The following TYW1B variants were observed in gnomAD, a reference collection of about 807,000 sequenced individuals.
The protein encoded by TYW1B is S-adenosyl-L-methionine-dependent tRNA 4-demethylwyosine synthase TYW1B.
In TYW1B, 73 loss-of-function variants were observed where a neutral mutation model predicts 86.9. The ratio of observed to expected loss-of-function variants is 0.84; its 90% CI spans 0.70 to 1.02. The LOEUF (loss-of-function observed/expected upper bound fraction) is 1.02. TYW1B is among the 50% of genes least tolerant of loss of function. TYW1B has a pLI of 0.00. For synonymous variants in TYW1B, 248 were observed against 292.8 expected, an observed-to-expected ratio of 0.85 and a Z score of 1.56; for missense variants, 637 against 827.4, an observed-to-expected ratio of 0.77 and a Z score of 2.82.
chr7:72,654,892 A>C (rs1813161786), intron 11 of TYW1B, among the ~76,000 whole-genome samples: 1 of 152,192 alleles, frequency 6.6e-6, no homozygotes, highest in Admixed American at 6.6e-5. Context: ...AAAAATAAAC[A>C]ACAAAAAATA....
intron 11 of TYW1B, among the ~76,000 whole-genome samples, chr7:72,672,012 T>C (rs1554446438): frequency 2.4e-5 from 1 of 42,392 alleles, no homozygotes; most frequent in Admixed American, 2.5e-4. Context: ...CATCTTGAAT[T>C]CCCACGTTGT....
chr7:72,677,652 G>A (rs7802720), intron 11 of TYW1B, among the ~76,000 whole-genome samples: 9 of 152,158 alleles, frequency 5.9e-5, no homozygotes, highest in East Asian at 3.9e-4. Context: ...TGGGTTCTCC[G>A]ACATGCACCC....
At chr7:72,673,834 A>G (rs1205718731) in intron 11 of TYW1B, among the ~76,000 whole-genome samples, 1 of 152,240 alleles carries the variant, frequency 6.6e-6, no homozygotes, top group African/African-American at 2.4e-5. Flanking sequence ...ATTACATATT[A>G]TATGCCTGTA....
chr7:72,626,944 C>T (rs1812362482), intron 12 of TYW1B, among the ~76,000 whole-genome samples: 1 of 151,860 alleles, frequency 6.6e-6, no homozygotes, highest in African/African-American at 2.4e-5. Flanking sequence ...ACAAAGCTTA[C>T]CATCAAACTT....
intron 10 of TYW1B, among the ~76,000 whole-genome samples, chr7:72,702,246 G>C (rs1312383232): frequency 2.0e-5 from 3 of 152,114 alleles, no homozygotes; most frequent in Admixed American, 6.6e-5. Flanking sequence ...CCCTGTGAGA[G>C]AAAGTTTCCA....
intron 8 of TYW1B, among the ~76,000 whole-genome samples, chr7:72,742,240 C>A (rs1393856797): frequency 3.3e-5 from 5 of 152,160 alleles, no homozygotes; most frequent in African/African-American, 1.2e-4. Flanking sequence ...TGATCACCCC[C>A]ACCTCAGCCT....
intron 12 of TYW1B, among the ~76,000 whole-genome samples, chr7:72,626,520 TA>T (rs1812353155): frequency 6.6e-6 from 1 of 152,140 alleles, no homozygotes; most frequent in East Asian, 1.9e-4. Flanking sequence ...ATCTCAAATT[TA>T]ATGTTGCCAA....
chr7:72,607,934 A>C (rs782547895), intron 13 of TYW1B, among the ~76,000 whole-genome samples: 8 of 152,212 alleles, frequency 5.3e-5, no homozygotes, highest in African/African-American at 9.6e-5. Context: ...CAAGACCTGA[A>C]TATTTTTAAA....
At chr7:72,700,140 T>TAAAG (rs1164619311) in intron 10 of TYW1B, among the ~76,000 whole-genome samples, 3 of 139,774 alleles carry the variant, frequency 2.1e-5, no homozygotes, top group Non-Finnish European at 4.6e-5. Flanking sequence ...TATCAATACA[T>TAAAG]AAAGAGCTTT....
At chr7:72,575,905 G>A (rs529379042) in intron 13 of TYW1B, among the ~76,000 whole-genome samples, 186 bp from the exon 14 acceptor site, 92 of 152,280 alleles carry the variant, frequency 6.0e-4, no homozygotes, top group African/African-American at 2.1e-3. Context: ...AGCAAGATGC[G>A]CTACAATCAC....
chr7:72,589,664 G>A (rs35509207), intron 13 of TYW1B, among the ~76,000 whole-genome samples: 1 of 152,190 alleles, frequency 6.6e-6, no homozygotes, highest in African/African-American at 2.4e-5. Context: ...ATCACTTGAG[G>A]TCAGGAGTTC....
At chr7:72,690,896 T>C (rs1329761197) in intron 11 of TYW1B, among the ~76,000 whole-genome samples, 1 of 152,038 alleles carries the variant, frequency 6.6e-6, no homozygotes, top group Non-Finnish European at 1.5e-5. Context: ...TACAGGTACC[T>C]GCCACCACTC....
intron 6 of TYW1B, among the ~76,000 whole-genome samples, chr7:72,785,008 G>C (rs1291529333): frequency 2.0e-5 from 3 of 151,194 alleles, no homozygotes; most frequent in African/African-American, 7.3e-5. Flanking sequence ...GTCAACTCTA[G>C]GCACACCAAA....
chr7:72,611,248 C>T (rs1469917711), intron 13 of TYW1B, among the ~76,000 whole-genome samples: 1 of 152,180 alleles, frequency 6.6e-6, no homozygotes, highest in African/African-American at 2.4e-5. Flanking sequence ...GCTCTGATTA[C>T]ACTTCTCAGC....
intron 9 of TYW1B, among the ~76,000 whole-genome samples, chr7:72,721,350 T>G (rs1554457471): frequency 6.6e-6 from 1 of 152,238 alleles, no homozygotes; most frequent in East Asian, 1.9e-4. Context: ...TGAACTAGTT[T>G]ACAGTCCCAT....
At chr7:72,720,362 G>C (rs1219618299) in intron 9 of TYW1B, among the ~76,000 whole-genome samples, 17 of 152,194 alleles carry the variant, frequency 1.1e-4, no homozygotes, top group African/African-American at 1.7e-4. Context: ...GAGCAGCCAG[G>C]GAGGACAGGA....
chr7:72,761,018 T>C (rs373988555), intron 7 of TYW1B, among the ~76,000 whole-genome samples: 1 of 152,218 alleles, frequency 6.6e-6, no homozygotes, highest in African/African-American at 2.4e-5. Flanking sequence ...CAACTAGCTT[T>C]GTCTAATATC....
chr7:72,811,042 C>T (rs1321984025), intron 3 of TYW1B, among the ~76,000 whole-genome samples: 9 of 151,870 alleles, frequency 5.9e-5, no homozygotes, highest in African/African-American at 1.2e-4. Context: ...GAGGCTGAGG[C>T]GGGCGGATCA....
intron 6 of TYW1B, among the ~76,000 whole-genome samples, chr7:72,779,466 G>A (rs1358204789): frequency 1.3e-5 from 2 of 152,260 alleles, no homozygotes; most frequent in South Asian, 2.1e-4. Flanking sequence ...CCTGTAATCC[G>A]AGCACTATGG....
Sources: allele counts gnomAD v4.1 joint callset (sites outside exome capture counted in the v4.1 genomes callset), GRCh38; gene constraint gnomAD v4.1.1; transcripts MANE v1.5; gene names NCBI Gene and HGNC (gene_info 2026-07-23, HGNC 2026-07-21).